The following ZC3H8 variants were observed in gnomAD, a reference collection of about 807,000 sequenced individuals.
The protein encoded by ZC3H8 is zinc finger CCCH-type containing 8, also known as zinc finger CCCH domain-containing protein 8.
ZC3H8 carries 27 observed loss-of-function variants against 42.5 expected under a neutral mutation model. The observed-to-expected ratio is 0.64, with a 90% CI of 0.47 to 0.88. ZC3H8 has a LOEUF of 0.88. Ranked by LOEUF, ZC3H8 falls within the 40% of genes least tolerant of loss-of-function variation. The pLI is 0.00. For synonymous variants in ZC3H8, 101 were observed against 110.1 expected (o/e 0.92, Z 0.52); for missense variants, 277 against 336.1 (o/e 0.82, Z 1.37).
intron 2 of ZC3H8, among the ~76,000 whole-genome samples, chr2:112,248,937 G>A (rs1685850667): frequency 6.6e-6 from 1 of 152,128 alleles, no homozygotes; most frequent in South Asian, 2.1e-4. Context: ...GCTCAGGCCT[G>A]TAATCCCAGC....
At chr2:112,248,270 G>A (rs1558933674) in intron 2 of ZC3H8, among the ~76,000 whole-genome samples, 1 of 150,584 alleles carries the variant, frequency 6.6e-6, no homozygotes, top group Non-Finnish European at 1.5e-5. Context: ...AGGTTGCAGT[G>A]AGCCAAGATC....
chr2:112,234,267 T>C (rs908110304), intron 4 of ZC3H8, 31 bp from the exon 5 acceptor site: 2 of 1,441,930 alleles, frequency 1.4e-6, no homozygotes, highest in Non-Finnish European at 1.9e-6. Flanking sequence ...AAACTAAATG[T>C]AAGAAACAGA....
chr2:112,212,724 C>G lies in ZC3H8; in HGVS notation c.*3760G>C, dbSNP rs1684179485. On this transcript the variant is annotated 3_prime_UTR_variant, in exon 9 of 9. Transcript: ENST00000409573. ...AGCACCCCTTGAAATCTTAAGACAG[C>G]TGTCTCTGTTCTGGTGTCATAATCC... is the stretch of plus-strand genomic sequence containing the variant. 1 of 152,104 alleles carries G rather than the reference C, an allele frequency of 6.6e-6. No individual in the cohort carries two copies. The highest frequency in any genetic ancestry group is 2.4e-5 in the African/African-American group (1 of 41,420). The allele number at this position is 152,104 out of a possible 1,614,324, so 9.4% of individuals were successfully genotyped here. A position where few individuals can be genotyped will look rare whatever the true frequency, so the allele number is the denominator to read the frequency against.
At chr2:112,219,729 A>G (rs1235465279) in intron 8 of ZC3H8, among the ~76,000 whole-genome samples, 1 of 151,998 alleles carries the variant, frequency 6.6e-6, no homozygotes, top group Non-Finnish European at 1.5e-5. Flanking sequence ...TGTGCAGATG[A>G]GCAGAATGTA....
At chr2:112,232,230 C>G (rs1394715441) in intron 6 of ZC3H8, among the ~76,000 whole-genome samples, 1 of 148,412 alleles carries the variant, frequency 6.7e-6, no homozygotes, top group Non-Finnish European at 1.5e-5. Context: ...GCACCAAAAT[C>G]ATTTGAACCT....
intron 2 of ZC3H8, among the ~76,000 whole-genome samples, chr2:112,249,584 C>T (rs921878236): frequency 1.3e-5 from 2 of 152,200 alleles, no homozygotes; most frequent in East Asian, 3.8e-4. Flanking sequence ...GCTGGGACTA[C>T]AGGTGCATGC....
intron 1 of ZC3H8, 41 bp from the exon 2 acceptor site, chr2:112,250,313 A>G (rs1573928555): frequency 3.4e-6 from 5 of 1,466,842 alleles, no homozygotes; most frequent in East Asian, 2.5e-5. Flanking sequence ...AGTTTTTTCA[A>G]CCTGAAGTGT....
At chr2:112,253,251 T>C (rs2104673373) in intron 1 of ZC3H8, among the ~76,000 whole-genome samples, 1 of 152,306 alleles carries the variant, frequency 6.6e-6, no homozygotes, top group Admixed American at 6.5e-5. Context: ...AAATATGATA[T>C]ATTTATGTAT....
chr2:112,220,358 C>T (rs903379597), intron 8 of ZC3H8, among the ~76,000 whole-genome samples: 4 of 152,160 alleles, frequency 2.6e-5, no homozygotes, highest in African/African-American at 9.7e-5. Context: ...GTAACAAATT[C>T]CCTTAGCCTT....
At chr2:112,252,919 A>G (rs1686002236) in intron 1 of ZC3H8, among the ~76,000 whole-genome samples, 1 of 152,308 alleles carries the variant, frequency 6.6e-6, no homozygotes, top group African/African-American at 2.4e-5. Context: ...CAAGGCGGGC[A>G]GATCACAAGG....
At chr2:112,239,121 A>G (rs1685472664) in intron 2 of ZC3H8, among the ~76,000 whole-genome samples, 1 of 152,224 alleles carries the variant, frequency 6.6e-6, no homozygotes. Flanking sequence ...TTACTTGCAG[A>G]AAGAGTTTCC....
At chr2:112,227,737 G>C (rs1439703800) in intron 8 of ZC3H8, among the ~76,000 whole-genome samples, 1 of 152,082 alleles carries the variant, frequency 6.6e-6, no homozygotes, top group African/African-American at 2.4e-5. Context: ...GCATCAAACA[G>C]AATATGTACG....
At chr2:112,236,419 A>C in intron 4 of ZC3H8, 143 bp downstream of exon 4, 1 of 1,088,870 alleles carries the variant, frequency 9.2e-7, no homozygotes, top group Non-Finnish European at 1.3e-6. Flanking sequence ...CAGTGACAGT[A>C]AAAGGACATC....
chr2:112,227,797 CA>C (rs1684911547), intron 8 of ZC3H8, among the ~76,000 whole-genome samples: 1 of 151,246 alleles, frequency 6.6e-6, no homozygotes, highest in African/African-American at 2.4e-5. Context: ...GTGAAAATTA[CA>C]AAACTGAGAG....
In ZC3H8 at chr2:112,233,504, C is replaced by CTGTT. The variant is rs1333318743; in HGVS notation, c.622-137_622-134dup. On this transcript the variant is annotated intron_variant, in intron 5 of 8. Transcript: ENST00000409573. ...AAGTCTTAGAGGTAGCACATTCTAACTGTTAATAAATTATAACCACATCAC... is the reference window on the plus strand; with the variant it reads ...AAGTCTTAGAGGTAGCACATTCTAACTGTTTGTTAATAAATTATAACCACATCAC... The CTGTT allele has an allele frequency of 6.3e-6, 4 of 639,074 alleles. No individual in the cohort carries two copies. In the African/African-American group the frequency reaches 7.7e-5, roughly 12 times the overall value. 39.6% of individuals were successfully genotyped at this position (639,074 alleles called of 1,614,324 possible).
intron 6 of ZC3H8, among the ~76,000 whole-genome samples, chr2:112,232,191 C>T (rs1207078544): frequency 4.0e-5 from 6 of 151,780 alleles, no homozygotes; most frequent in Admixed American, 1.3e-4. Flanking sequence ...GCAGGCATGC[C>T]TGTAATCCCA....
intron 2 of ZC3H8, among the ~76,000 whole-genome samples, chr2:112,243,020 A>G (rs1287641946): frequency 2.0e-5 from 3 of 152,240 alleles, no homozygotes; most frequent in Admixed American, 6.5e-5. Context: ...CTGCTCAAAG[A>G]TATGAGGAAA....
intron 2 of ZC3H8, among the ~76,000 whole-genome samples, chr2:112,248,152 CCT>C (rs1685820267): frequency 6.6e-6 from 1 of 151,896 alleles, no homozygotes; most frequent in Non-Finnish European, 1.5e-5. Context: ...ATGATGAAAC[CCT>C]GTCTCTGCTA....
At position 112,228,577 on chromosome 2, in the gene ZC3H8, C is replaced by T. The variant is rs192473325; in HGVS notation, c.*15+2326G>A. 1.5e-3 allele frequency among the ~76,000 whole-genome samples: 232 copies of T among 151,002 alleles called. 1 individual carries two copies. The highest frequency in any genetic ancestry group is 5.5e-3 in the African/African-American group (225 of 41,238). On this transcript the variant is annotated intron_variant, in intron 8 of 8. Coordinates refer to ENST00000409573, the MANE Select transcript of ZC3H8 (RefSeq NM_032494.3). ...AGTTTTGCCCTTAACTCACACAATT[C>T]CTAAAAATTAACTCAAAATGAATCA...
Sources: gnomAD v4.1 joint callset for allele counts (sites outside exome capture counted in the v4.1 genomes callset) on GRCh38, gnomAD v4.1.1 for gene constraint, MANE v1.5 for transcripts, NCBI Gene and HGNC (gene_info 2026-07-23, HGNC 2026-07-21) for gene names.